The following ZAN variants were observed in gnomAD, a reference collection of about 807,000 sequenced individuals.
ZAN encodes zonadhesin, also known as zonadhesin (gene/pseudogene).
A neutral mutation model predicts 286.2 loss-of-function variants in ZAN; 260 were observed. The observed-to-expected ratio is 0.91, with a 90% CI of 0.82 to 1.01. The LOEUF (loss-of-function observed/expected upper bound fraction) is 1.01, where lower values mean the gene tolerates loss of function less well. Ranked by LOEUF, ZAN falls within the 50% of genes least tolerant of loss-of-function variation. The pLI, the probability that ZAN is intolerant of heterozygous loss-of-function variation, is 0.00. For missense variants in ZAN, 3,410 were observed against 3,639.2 expected (o/e 0.94, Z 1.62); for synonymous variants, 1,368 against 1,417.5 (o/e 0.97, Z 0.79).
In ZAN at chr7:100,785,922, G is replaced by C; in HGVS notation, c.6835-75G>C. On this transcript the variant is annotated intron_variant, in intron 36 of 47. Transcript: ENST00000613979. ...GATCCACCCGTCTCGGCCTCCCAAA[G>C]TGTTGGGATTACAGGCGTGAGCCGC... 5 of 1,520,380 alleles carry C rather than the reference G, an allele frequency of 3.3e-6. No homozygotes were observed. In the East Asian group the frequency reaches 1.2e-4, roughly 37 times the overall value. The allele number at this position is 1,520,380 out of a possible 1,614,324, so 94.2% of individuals were successfully genotyped here.
At chr7:100,792,237 CT>C in intron 41 of ZAN, 89 bp downstream of exon 41, 1 of 1,501,104 alleles carries the variant, frequency 6.7e-7, no homozygotes, top group Non-Finnish European at 8.9e-7. Context: ...CTGACCCAAG[CT>C]CTGTGTGGTT....
chr7:100,765,624 C>G (rs1809911371), intron 23 of ZAN, 70 bp downstream of exon 23: 1 of 1,464,898 alleles, frequency 6.8e-7, no homozygotes. Context: ...ACACCCCCTG[C>G]AAGCTCTTTC....
intron 7 of ZAN, 96 bp from the exon 8 acceptor site, chr7:100,746,442 C>T (rs1808223179): frequency 1.4e-6 from 2 of 1,465,232 alleles, no homozygotes; most frequent in African/African-American, 2.8e-5. Flanking sequence ...GTTGGGGATC[C>T]CCAGAGACAA....
At chr7:100,742,791 G>A (rs1584550194) in intron 7 of ZAN, among the ~76,000 whole-genome samples, 1 of 49,134 alleles carries the variant, frequency 2.0e-5, no homozygotes, top group Admixed American at 1.9e-4. Context: ...GTTGCAGTGA[G>A]CCGAGATGGC....
chr7:100,737,104 G>T lies in ZAN; in HGVS notation c.525+24G>T. The T allele has an allele frequency of 1.4e-6, 2 of 1,479,994 alleles. 1 individual carries two copies. The highest frequency in any genetic ancestry group is 1.8e-6 in the Non-Finnish European group (2 of 1,085,826). 91.7% of individuals were successfully genotyped at this position (1,479,994 alleles called of 1,614,324 possible). On this transcript the variant is annotated intron_variant, in intron 5 of 47. Coordinates refer to ENST00000613979, the MANE Select transcript of ZAN (RefSeq NM_003386.3). Reference sequence around the variant, plus strand: ...GGGTAAGGCCGGGGACAAATTGTGGGACCTCGGGGGGGAGTCTGGGTGTTG... The same window carrying T: ...GGGTAAGGCCGGGGACAAATTGTGGTACCTCGGGGGGGAGTCTGGGTGTTG...
chr7:100,753,305 C>T, intron 14 of ZAN, 76 bp downstream of exon 14: 1 of 1,457,594 alleles, frequency 6.9e-7, no homozygotes, highest in Non-Finnish European at 9.1e-7. Context: ...GAAAGGGATG[C>T]TTCTGGTAGA....
In ZAN at chr7:100,792,237, C is replaced by T. The variant is rs920029966; in HGVS notation, c.7712+89C>T. 16 of 1,500,986 alleles carry T rather than the reference C, an allele frequency of 1.1e-5. No homozygotes were observed. The East Asian group carries it at 3.8e-4, about 35-fold the overall frequency. The allele number at this position is 1,500,986 out of a possible 1,614,324, so 93.0% of individuals were successfully genotyped here. On this transcript the variant is annotated intron_variant, in intron 41 of 47. Coordinates refer to ENST00000613979, the MANE Select transcript of ZAN (RefSeq NM_003386.3). ...CCTCCTGCCCGCTTCCTGACCCAAGCTCTGTGTGGTTCACTCCTCCGTTCT... is the reference window on the plus strand; with the variant it reads ...CCTCCTGCCCGCTTCCTGACCCAAGTTCTGTGTGGTTCACTCCTCCGTTCT...
Position 100,759,769 on chromosome 7 carries a change from G to A in ZAN, c.3620G>A (p.Gly1207Asp). 6.2e-7 allele frequency: 1 copy of A among 1,601,112 alleles called. No individual in the cohort carries two copies. ...TAKNEEQGQE[G>D]VSCLSKVYVT... Reference sequence around the variant, plus strand: ...AAGAATGAGGAGCAGGGACAGGAAGGCGTGTCCTGCCTGAGCAAAGTCTAC... The same window carrying A: ...AAGAATGAGGAGCAGGGACAGGAAGACGTGTCCTGCCTGAGCAAAGTCTAC... The change falls in exon 18 of 48, where the codon GGC becomes GAC. Residue 1207 changes from glycine to aspartate, a missense_variant. This residue lies in a region of ZAN where 1,042 missense variants were observed against 1,058.0 expected (regional missense o/e 0.98). Coordinates refer to ENST00000613979, the MANE Select transcript of ZAN (RefSeq NM_003386.3).
chr7:100,764,475 A>G (rs1239256214), intron 22 of ZAN, among the ~76,000 whole-genome samples: 2 of 147,794 alleles, frequency 1.4e-5, no homozygotes, highest in African/African-American at 5.0e-5. Context: ...AGCCTGGGCG[A>G]CAGAGTGAGA....
rs1211796991 is a variant in ZAN at position 100,737,318 on chromosome 7, C to A, written c.582C>A (p.Ala194=). The A allele has an allele frequency of 6.7e-7, 1 of 1,483,232 alleles. No individual in the cohort carries two copies. The highest frequency in any genetic ancestry group is 2.4e-5 in the East Asian group (1 of 42,324). 91.9% of individuals were successfully genotyped at this position (1,483,232 alleles called of 1,614,324 possible). A position where few individuals can be genotyped will look rare whatever the true frequency, so the allele number is the denominator to read the frequency against. The change falls in exon 6 of 48, where the codon GCC becomes GCA. Residue 194 remains alanine, a synonymous_variant. Coordinates refer to ENST00000613979, the MANE Select transcript of ZAN (RefSeq NM_003386.3). Reference sequence around the variant, plus strand: ...CCTACCTGGACATCGCCCTGGATGCCCTCTCTATCCGCCGGGGCTCCTGTA... The same window carrying A: ...CCTACCTGGACATCGCCCTGGATGCACTCTCTATCCGCCGGGGCTCCTGTA... ...STAYLDIALD[A]LSIRRGSCNR... is the part of the protein sequence containing the mutation.
At chr7:100,780,625 C>A (rs1811134827) in intron 35 of ZAN, among the ~76,000 whole-genome samples, 1 of 148,680 alleles carries the variant, frequency 6.7e-6, no homozygotes, top group Admixed American at 7.0e-5. Flanking sequence ...TGCATCCCTG[C>A]ACTCAAGTCT....
intron 7 of ZAN, among the ~76,000 whole-genome samples, chr7:100,744,867 TG>T (rs1166392185): frequency 6.7e-6 from 1 of 148,936 alleles, no homozygotes; most frequent in African/African-American, 2.5e-5. Flanking sequence ...TAGGTCTCCT[TG>T]GTTTTTTTTT....
At position 100,758,661 on chromosome 7, in the gene ZAN, G is replaced by C; in HGVS notation, c.3571+11G>C. On this transcript the variant is annotated intron_variant, in intron 17 of 47. Transcript: ENST00000613979. ...GTGGCAACTCAACAGGTAGGCCCTG[G>C]AGATGCCACTGCGGCCTGGGGGGAG... 1 of 1,551,362 alleles carries C rather than the reference G, an allele frequency of 6.4e-7. No individual in the cohort carries two copies.
At chr7:100,748,030 G>T in intron 9 of ZAN, 107 bp from the exon 10 acceptor site, 1 of 887,638 alleles carries the variant, frequency 1.1e-6, no homozygotes, top group Non-Finnish European at 1.8e-6. Context: ...TGAGGGTCTG[G>T]GCACAGGGAG....
rs1412075675 is a variant in ZAN, at chr7:100,760,393, T to C, written c.3699T>C (p.Val1233=). The C allele has an allele frequency of 6.2e-7, 1 of 1,613,496 alleles. No homozygotes were observed. The highest frequency in any genetic ancestry group is 2.2e-5 in the East Asian group (1 of 44,866). The change falls in exon 19 of 48, where the codon GTT becomes GTC. Residue 1233 remains valine, a splice_region_variant and synonymous_variant. Coordinates refer to ENST00000613979, the MANE Select transcript of ZAN (RefSeq NM_003386.3). ...CTTGCCTCTGCCCTGCCTTCCAGGT[T>C]GGGGGTCAGCAAGTTACTCTCCCAG... ...VTLLKGRRTL[V]GGQQVTLPAI... is the part of the protein sequence containing the mutation.
At chr7:100,755,183 A>G (rs1227298274) in intron 14 of ZAN, 43 bp from the exon 15 acceptor site, 1 of 1,567,788 alleles carries the variant, frequency 6.4e-7, no homozygotes, top group Non-Finnish European at 8.7e-7. Flanking sequence ...CTCCCTGAGA[A>G]AGCCATGGAA....
chr7:100,751,289 A>G (rs1297828496), intron 13 of ZAN, 23 bp downstream of exon 13: 3 of 1,533,402 alleles, frequency 2.0e-6, no homozygotes, highest in Non-Finnish European at 2.6e-6. Flanking sequence ...CCCAGGCTCC[A>G]GGAAGGGGGC....
chr7:100,793,333 T>A (rs978815221), intron 42 of ZAN, among the ~76,000 whole-genome samples: 2 of 151,588 alleles, frequency 1.3e-5, no homozygotes, highest in African/African-American at 4.8e-5. Flanking sequence ...ACAGAGTGAC[T>A]CCATCTCTAA....
Position 100,773,803 on chromosome 7 carries a change from G to A in ZAN, c.5717G>A (p.Ser1906Asn). ...SVHNNITCFQ[S>N]TCKPNQICWA... ...CACAACAACATCACCTGCTTCCAGA[G>A]CACCTGCAAACCCAACCAGATATGC... Residue 1906 changes from serine to asparagine, a missense_variant, in exon 31 of 48, where the codon AGC (serine) becomes AAC (asparagine). By Grantham distance (46) the Ser-to-Asn change is conservative. This residue lies in a region of ZAN where 1,289 missense variants were observed against 1,314.3 expected (regional missense o/e 0.98). Coordinates refer to ENST00000613979, the MANE Select transcript of ZAN (RefSeq NM_003386.3). The A allele has an allele frequency of 1.2e-6, 2 of 1,612,544 alleles. No homozygotes were observed. Among genetic ancestry groups the A allele is most frequent in the South Asian group, 1.1e-5 (1 of 90,690 alleles).
Sources: allele counts gnomAD v4.1 joint callset (sites outside exome capture counted in the v4.1 genomes callset), GRCh38; gene constraint gnomAD v4.1.1; regional missense constraint gnomAD v4.1.1; transcripts MANE v1.5; gene names NCBI Gene and HGNC (gene_info 2026-07-23, HGNC 2026-07-21).